Variants in GRIK1 observed in about 807,000 individuals in gnomAD.
The protein encoded by GRIK1 is glutamate receptor ionotropic, kainate 1.
Under a neutral mutation model 105.7 loss-of-function variants are expected in GRIK1, and 69 were observed. The observed-to-expected ratio is 0.65, with a 90% CI of 0.54 to 0.80. GRIK1 has a LOEUF of 0.80. GRIK1 is among the 30% of genes least tolerant of loss of function. The pLI is 0.00. For missense variants in GRIK1, 1,109 were observed against 1,167.3 expected (o/e 0.95, Z 0.73); for synonymous variants, 438 against 431.3 (o/e 1.02, Z -0.19).
chr21:29,601,355 A>G (rs1026059562), intron 7 of GRIK1: 9 of 366,722 alleles, frequency 2.5e-5, no homozygotes, highest in African/African-American at 1.6e-4. Context: ...TAGTTTGCAG[A>G]TGGTAGAATG....
chr21:29,861,825 T>A (rs2068649860), intron 1 of GRIK1: 1 of 250,472 alleles, frequency 4.0e-6, no homozygotes, highest in Non-Finnish European at 8.0e-6. Context: ...TTAATTATGT[T>A]GTATAATTCT....
intron 14 of GRIK1, among the ~76,000 whole-genome samples, chr21:29,574,842 C>T (rs1193040705): frequency 6.6e-6 from 1 of 151,610 alleles, no homozygotes; most frequent in South Asian, 2.1e-4. Flanking sequence ...CGCCCGCCAT[C>T]ACGCCCGGCT....
intron 7 of GRIK1, chr21:29,630,575 T>A (rs762435811): frequency 2.1e-6 from 1 of 471,584 alleles, no homozygotes; most frequent in Non-Finnish European, 4.4e-6. Context: ...AAAAGTGAAT[T>A]CTTCCAACAA....
intron 1 of GRIK1, among the ~76,000 whole-genome samples, chr21:29,707,078 A>G (rs1373575776): frequency 6.6e-6 from 1 of 151,950 alleles, no homozygotes; most frequent in Non-Finnish European, 1.5e-5. Flanking sequence ...GTTAGGCAGG[A>G]TGGTCCTGAT....
At chr21:29,823,571 AT>A (rs1411856725) in intron 1 of GRIK1, among the ~76,000 whole-genome samples, 1 of 151,904 alleles carries the variant, frequency 6.6e-6, no homozygotes, top group Non-Finnish European at 1.5e-5. Context: ...GGAAATAATT[AT>A]TTTTTTGATC....
intron 1 of GRIK1, among the ~76,000 whole-genome samples, chr21:29,781,441 C>A (rs1205521833): frequency 3.3e-5 from 5 of 152,064 alleles, no homozygotes; most frequent in Non-Finnish European, 7.4e-5. Context: ...TAAATACGTA[C>A]CTATGTGTAT....
intron 1 of GRIK1, among the ~76,000 whole-genome samples, chr21:29,789,189 A>G (rs2066344508): frequency 6.6e-6 from 1 of 152,186 alleles, no homozygotes; most frequent in Non-Finnish European, 1.5e-5. Flanking sequence ...CCTTCCCCAT[A>G]TGACTTAGAT....
intron 1 of GRIK1, among the ~76,000 whole-genome samples, chr21:29,789,393 CT>C (rs58251747): frequency 0.15 from 23,226 of 152,148 alleles, 1,738 homozygotes; most frequent in Non-Finnish European, 0.16. Flanking sequence ...CTGAAATTGA[CT>C]CACTTCTTAG....
At chr21:29,767,162 A>G (rs973515167) in intron 1 of GRIK1, among the ~76,000 whole-genome samples, 1 of 152,232 alleles carries the variant, frequency 6.6e-6, no homozygotes, top group Non-Finnish European at 1.5e-5. Flanking sequence ...AGAAAATGAG[A>G]AAAATCACAA....
chr21:29,864,226 T>G (rs2068733456), intron 1 of GRIK1, among the ~76,000 whole-genome samples: 1 of 152,140 alleles, frequency 6.6e-6, no homozygotes. Context: ...TAGTTAAATA[T>G]CATTTTCTGT....
At chr21:29,846,567 A>G (rs543760451) in intron 1 of GRIK1, among the ~76,000 whole-genome samples, 99 of 152,264 alleles carry the variant, frequency 6.5e-4, no homozygotes, top group Non-Finnish European at 1.3e-3. Flanking sequence ...CTGTTCTGAG[A>G]TGCACTAAGG....
chr21:29,837,894 A>G (rs2067855522), intron 1 of GRIK1, among the ~76,000 whole-genome samples: 1 of 152,182 alleles, frequency 6.6e-6, no homozygotes, highest in Non-Finnish European at 1.5e-5. Flanking sequence ...TTTTGCCCCA[A>G]GAAACTTTAT....
chr21:29,679,300 G>T (rs182665609), intron 3 of GRIK1, among the ~76,000 whole-genome samples: 2 of 152,240 alleles, frequency 1.3e-5, no homozygotes, highest in Admixed American at 6.5e-5. Context: ...TTCACTGCAG[G>T]CTGCATTTTA....
chr21:29,923,126 G>T (rs2071243899), intron 1 of GRIK1, among the ~76,000 whole-genome samples: 1 of 152,106 alleles, frequency 6.6e-6, no homozygotes, highest in Non-Finnish European at 1.5e-5. Context: ...TATGAATTAT[G>T]CTGTAGATAG....
chr21:29,886,000 G>A (rs761297454), intron 1 of GRIK1, among the ~76,000 whole-genome samples: 28 of 152,182 alleles, frequency 1.8e-4, no homozygotes, highest in Non-Finnish European at 3.4e-4. Flanking sequence ...CCTATTTGAT[G>A]TCAATCTAGT....
At chr21:29,668,741 T>G (rs552924428) in intron 4 of GRIK1, among the ~76,000 whole-genome samples, 1 of 152,206 alleles carries the variant, frequency 6.6e-6, no homozygotes, top group African/African-American at 2.4e-5. Flanking sequence ...TTCTTGCCCT[T>G]TGCTTCATTC....
At chr21:29,799,544 T>TG (rs941011864) in intron 1 of GRIK1, among the ~76,000 whole-genome samples, 2 of 152,244 alleles carry the variant, frequency 1.3e-5, no homozygotes, top group African/African-American at 4.8e-5. Context: ...TTTGTTTGTT[T>TG]TTTGAGATGG....
In GRIK1 at chr21:29,575,477, A is replaced by C. The variant is rs574711929; in HGVS notation, c.2130+1487T>G. ...ATGTTTAAAAAGGAAATAAGAATGA[A>C]AGAAGAAAAAGAGTTCATTTTGAAC... On this transcript the variant is annotated intron_variant, in intron 14 of 17. Transcript: ENST00000327783. 7.9e-5 allele frequency among the ~76,000 whole-genome samples: 12 copies of C among 152,322 alleles called. No homozygotes were observed. In the South Asian group the frequency reaches 2.5e-3, roughly 32 times the overall value.
chr21:29,560,568 CTT>C (rs1327755935), intron 15 of GRIK1, among the ~76,000 whole-genome samples: 1 of 104,680 alleles, frequency 9.6e-6, no homozygotes, highest in Non-Finnish European at 1.9e-5. Flanking sequence ...TTCTTTCTTT[CTT>C]TCTTTCTCTC....
Sources: gnomAD v4.1 joint callset for allele counts (sites outside exome capture counted in the v4.1 genomes callset) on GRCh38, gnomAD v4.1.1 for gene constraint, MANE v1.5 for transcripts, NCBI Gene and HGNC (gene_info 2026-07-23, HGNC 2026-07-21) for gene names.